RPS6KA1: variants seen among roughly 807,000 people sequenced by gnomAD.
RPS6KA1 encodes ribosomal protein S6 kinase A1.
In RPS6KA1, 48 loss-of-function variants were observed where a neutral mutation model predicts 91.3. The ratio of observed to expected loss-of-function variants is 0.53; its 90% confidence interval spans 0.42 to 0.67. RPS6KA1 has a LOEUF of 0.67. RPS6KA1 is among the 30% of genes least tolerant of loss of function. RPS6KA1 has a pLI of 0.00. For synonymous variants in RPS6KA1, 359 were observed against 384.7 expected, an observed-to-expected ratio of 0.93 and a Z score of 0.78; for missense variants, 719 against 960.5, an observed-to-expected ratio of 0.75 and a Z score of 3.32.
chr1:26,572,068 C>T, intron 19 of RPS6KA1, 108 bp from the exon 20 acceptor site: 2 of 1,306,850 alleles, frequency 1.5e-6, no homozygotes, highest in Non-Finnish European at 2.2e-6. Context: ...TCCAGGAGCT[C>T]TACCTTGGGA....
chr1:26,567,087 G>T (rs892629173), intron 17 of RPS6KA1, among the ~76,000 whole-genome samples: 8 of 151,858 alleles, frequency 5.3e-5, no homozygotes, highest in Non-Finnish European at 1.0e-4. Flanking sequence ...CATGATCATG[G>T]CTCACTGCAG....
Position 26,554,199 on chromosome 1 carries a change from A to G in RPS6KA1, c.576-15A>G, listed in dbSNP as rs1273594201. The G allele has an allele frequency of 3.9e-6, 6 of 1,552,710 alleles. No individual in the cohort carries two copies. In the East Asian group the frequency reaches 9.7e-5, roughly 25 times the overall value. On this transcript the variant is annotated splice_polypyrimidine_tract_variant and intron_variant, in intron 7 of 21. Transcript: ENST00000374168. The surrounding 1 kb of genome is among the most constrained non-coding windows in gnomAD (Gnocchi z 4.6). ...CCACAGCTGAGGGGCCCTGACCACT[A>G]TTTCTCTATTACAGCATCCTTCTGG...
At chr1:26,536,256 A>G (rs980898821) in intron 1 of RPS6KA1, among the ~76,000 whole-genome samples, 8 of 151,516 alleles carry the variant, frequency 5.3e-5, no homozygotes, top group African/African-American at 1.9e-4. Context: ...TGTTAGCCCC[A>G]AGCCCTCGTC....
In RPS6KA1 at chr1:26,551,528, T is replaced by TG; in HGVS notation, c.388+52dup. On this transcript the variant is annotated intron_variant, in intron 5 of 21. Coordinates refer to ENST00000374168, the MANE Select transcript of RPS6KA1 (RefSeq NM_002953.4). The surrounding 1 kb of genome is among the most constrained non-coding windows in gnomAD (Gnocchi z 4.5). Reference sequence around the variant, plus strand: ...TCCTACCCCACCCATCCTTCGCCCTTGCCTGTGGTCTGTACACTGTCCCAC... The same window carrying TG: ...TCCTACCCCACCCATCCTTCGCCCTTGGCCTGTGGTCTGTACACTGTCCCAC... The TG allele has an allele frequency of 1.2e-6, 2 of 1,607,528 alleles. No homozygotes were observed. Among genetic ancestry groups the TG allele is most frequent in the South Asian group, 2.2e-5 (2 of 90,950 alleles).
intron 1 of RPS6KA1, among the ~76,000 whole-genome samples, chr1:26,534,922 C>T (rs1308567745): frequency 6.6e-6 from 1 of 152,120 alleles, no homozygotes; most frequent in Admixed American, 6.6e-5. Flanking sequence ...GGTTTGGGGC[C>T]TGGTACATAG....
intron 14 of RPS6KA1, 118 bp downstream of exon 14, chr1:26,559,055 G>A (rs2076131212): frequency 1.0e-5 from 13 of 1,258,394 alleles, no homozygotes; most frequent in Non-Finnish European, 1.4e-5. Context: ...GACCAGTAGG[G>A]CCTCCAACAT....
intron 2 of RPS6KA1, among the ~76,000 whole-genome samples, chr1:26,544,982 T>C (rs1365548640): frequency 1.3e-5 from 2 of 152,116 alleles, no homozygotes; most frequent in Non-Finnish European, 2.9e-5. Context: ...TGAGTCTCTG[T>C]CCACCTCTGT....
chr1:26,552,298 G>A (rs958568976), intron 6 of RPS6KA1, among the ~76,000 whole-genome samples: 2 of 137,666 alleles, frequency 1.5e-5, no homozygotes, highest in African/African-American at 5.5e-5. Context: ...GGAGGCACAA[G>A]AATCGCTTGA....
At chr1:26,556,593 G>A (rs1369676949) in intron 11 of RPS6KA1, 61 bp from the exon 12 acceptor site, 3 of 1,569,082 alleles carry the variant, frequency 1.9e-6, no homozygotes, top group Non-Finnish European at 2.6e-6. Flanking sequence ...TGCTTGGTGG[G>A]CAGGGTAATA....
At chr1:26,532,090 C>G (rs531184072) in intron 1 of RPS6KA1, among the ~76,000 whole-genome samples, 23 of 152,324 alleles carry the variant, frequency 1.5e-4, no homozygotes, top group African/African-American at 5.1e-4. Context: ...AGGATCTGGA[C>G]TGCCCTGCCC....
rs576392640 is a variant in RPS6KA1 at position 26,572,152 on chromosome 1, C to T, written c.1830-24C>T. 10 of 1,592,970 alleles carry T rather than the reference C, an allele frequency of 6.3e-6. No homozygotes were observed. The Admixed American group carries it at 1.2e-4, about 19-fold the overall frequency. ...CAGTATGGAGGCCAGAGTCTGTACC[C>T]AGACCGTGCGGGCTTTTCTGCAGAT... On this transcript the variant is annotated intron_variant, in intron 19 of 21. Coordinates refer to ENST00000374168, the MANE Select transcript of RPS6KA1 (RefSeq NM_002953.4).
At chr1:26,533,663 G>A (rs2075885278) in intron 1 of RPS6KA1, among the ~76,000 whole-genome samples, 1 of 152,128 alleles carries the variant, frequency 6.6e-6, no homozygotes, top group African/African-American at 2.4e-5. Flanking sequence ...CTGAGATTGC[G>A]CCGCTGCACT....
chr1:26,567,117 A>G (rs541172025), intron 17 of RPS6KA1, among the ~76,000 whole-genome samples: 1 of 151,824 alleles, frequency 6.6e-6, no homozygotes, highest in East Asian at 1.9e-4. Context: ...CCCAGGCTCA[A>G]GTGATCCTTC....
intron 2 of RPS6KA1, among the ~76,000 whole-genome samples, chr1:26,545,335 A>ATT (rs35845328): frequency 0.066 from 9,395 of 142,500 alleles, 920 homozygotes; most frequent in African/African-American, 0.21. Context: ...CGCCTGGCCA[A>ATT]TTTTTTTTTT....
intron 17 of RPS6KA1, among the ~76,000 whole-genome samples, chr1:26,569,973 C>T (rs1316707995): frequency 6.6e-6 from 1 of 152,056 alleles, no homozygotes; most frequent in Non-Finnish European, 1.5e-5. Context: ...TTTGACAATG[C>T]CCAGGGAGGT....
In RPS6KA1 at chr1:26,542,011, G is replaced by A. The variant is rs573029705; in HGVS notation, c.109-4856G>A. 1.7e-3 allele frequency among the ~76,000 whole-genome samples: 263 copies of A among 152,312 alleles called. 1 individual carries two copies. The highest frequency in any genetic ancestry group is 0.014 in the South Asian group (66 of 4,830). ...GCTGGTGGCTGTCCTCCCCCCGCCC[G>A]CCACCAGAGGCCTCAGGGCCCACAC... is the stretch of plus-strand genomic sequence containing the variant. On this transcript the variant is annotated intron_variant, in intron 2 of 21. Transcript: ENST00000374168.
chr1:26,533,373 G>A (rs753149574), intron 1 of RPS6KA1, among the ~76,000 whole-genome samples: 2 of 152,096 alleles, frequency 1.3e-5, no homozygotes, highest in Non-Finnish European at 2.9e-5. Context: ...TGGGATTACA[G>A]ACATGAGCCA....
At position 26,558,999 on chromosome 1, in the gene RPS6KA1, G is replaced by C. The variant is rs1308598500; in HGVS notation, c.1215+62G>C. 6.4e-7 allele frequency: 1 copy of C among 1,567,096 alleles called. No individual in the cohort carries two copies. Among genetic ancestry groups the C allele is most frequent in the Non-Finnish European group, 8.7e-7 (1 of 1,148,976 alleles). ...TTCTAAAGAATGGCTGAGTACACAG[G>C]CTCTGAGTTGGACAGAACCAGGTTC... is the stretch of plus-strand genomic sequence containing the variant. On this transcript the variant is annotated intron_variant, in intron 14 of 21. Transcript: ENST00000374168. The surrounding 1 kb of genome is among the most constrained non-coding windows in gnomAD (Gnocchi z 4.0).
rs939688215 is a variant in RPS6KA1 at position 26,546,440 on chromosome 1, C to T, written c.109-427C>T. ...CCTGTCCTGCTGACCAGAGGGATCC[C>T]CTCATCCCATCCTGACCAGGAACGA... is the stretch of plus-strand genomic sequence containing the variant. On this transcript the variant is annotated intron_variant, in intron 2 of 21. Transcript: ENST00000374168. 2.0e-5 allele frequency among the ~76,000 whole-genome samples: 3 copies of T among 152,288 alleles called. No homozygotes were observed. In the East Asian group the frequency reaches 5.8e-4, roughly 29 times the overall value.
Sources: allele counts gnomAD v4.1 joint callset (sites outside exome capture counted in the v4.1 genomes callset), GRCh38; gene constraint gnomAD v4.1.1; non-coding constraint Gnocchi (gnomAD v3.1); transcripts MANE v1.5; gene names NCBI Gene and HGNC (gene_info 2026-07-23, HGNC 2026-07-21).